ACKR3: variants seen among roughly 807,000 people sequenced by gnomAD.
The protein encoded by ACKR3 is atypical chemokine receptor 3, also known as C-X-C chemokine receptor type 7.
A neutral mutation model predicts 22.4 loss-of-function variants in ACKR3; 6 were observed. The ratio of observed to expected loss-of-function variants is 0.27; its 90% CI spans 0.15 to 0.53. The LOEUF is 0.53. Among genes scored for constraint, ACKR3 ranks in the 20% least tolerant of loss-of-function variants. The probability of loss-of-function intolerance (pLI) is 0.96; values close to 1 mark genes in which losing one functional copy is unlikely to be tolerated. For synonymous variants in ACKR3, 209 were observed against 205.2 expected (o/e 1.02, Z -0.16); for missense variants, 396 against 475.2 (o/e 0.83, Z 1.55).
the ACKR3 span, among the ~76,000 whole-genome samples, chr2:236,562,150 A>C: frequency 2.0e-5 from 3 of 152,230 alleles, no homozygotes; most frequent in South Asian, 2.1e-4. Flanking sequence ...CAAATTGGGG[A>C]AGTAAGTCAA....
intron 1 of ACKR3, among the ~76,000 whole-genome samples, chr2:236,573,573 G>A (rs1462912141): frequency 6.6e-6 from 1 of 152,248 alleles, no homozygotes; most frequent in African/African-American, 2.4e-5. Context: ...GAAAGCCAGT[G>A]AAGGAGGCAG....
chr2:236,555,735 A>T, the ACKR3 span, among the ~76,000 whole-genome samples: 1 of 151,486 alleles, frequency 6.6e-6, no homozygotes, highest in African/African-American at 2.4e-5. Context: ...GCAGATGCCT[A>T]CTTTTTTGCT....
chr2:236,564,256 G>C (rs7601528), upstream of ACKR3, among the ~76,000 whole-genome samples: 9,604 of 152,236 alleles, frequency 0.063, 727 homozygotes, highest in East Asian at 0.26. Flanking sequence ...ACCTAGGGGT[G>C]TTACCAAATT....
At position 236,581,552 on chromosome 2, in the gene ACKR3, T is replaced by C; in HGVS notation, c.1087T>C (p.Ter363ArgextTer14). ...CTCTGCCTTGGAGCAGAGCACCAAA[T>C]GATCTGCCCTGGAGAGGCTCTGGGA... ...EYSALEQSTK* is the reference protein window; with the variant it reads ...EYSALEQSTKR Residue 363 changes from the stop codon to arginine (R), a stop_lost, in exon 2 of 2, where the codon TGA (stop) becomes CGA (arginine). Transcript: ENST00000272928. This position sits in a 1 kb window ranked among gnomAD's most constrained non-coding sequence, Gnocchi z 4.4. The C allele has an allele frequency of 6.2e-7, 1 of 1,612,964 alleles. No homozygotes were observed. The highest frequency in any genetic ancestry group is 8.5e-7 in the Non-Finnish European group (1 of 1,179,184).
At chr2:236,576,532 A>G (rs1691414639) in intron 1 of ACKR3, among the ~76,000 whole-genome samples, 1 of 152,208 alleles carries the variant, frequency 6.6e-6, no homozygotes, top group African/African-American at 2.4e-5. Flanking sequence ...AGTTTGCTCT[A>G]TGAAGCTTTT....
At chr2:236,547,392 A>G in the ACKR3 span, among the ~76,000 whole-genome samples, 5 of 152,216 alleles carry the variant, frequency 3.3e-5, no homozygotes, top group African/African-American at 1.2e-4. Context: ...CTGTCAAAGA[A>G]TGTATATTCT....
In ACKR3 at chr2:236,577,307, C is replaced by T. The variant is rs1002886184; in HGVS notation, c.-26-3133C>T. ...AAGGACAGAGGCGAGGACGGCTGAG[C>T]GGGGAAGTGCCTATCTCAGAAATAC... On this transcript the variant is annotated intron_variant, in intron 1 of 1. Transcript: ENST00000272928. The surrounding 1 kb of genome is among the most constrained non-coding windows in gnomAD (Gnocchi z 5.6). Among the ~76,000 whole-genome samples the T allele has an allele frequency of 6.6e-6, 1 of 152,252 alleles. No homozygotes were observed.
chr2:236,543,218 A>G, the ACKR3 span, among the ~76,000 whole-genome samples: 1 of 152,162 alleles, frequency 6.6e-6, no homozygotes, highest in African/African-American at 2.4e-5. Flanking sequence ...AAGGAGACCC[A>G]CTTGCCTCTG....
At chr2:236,559,238 G>T in the ACKR3 span, among the ~76,000 whole-genome samples, 1 of 152,138 alleles carries the variant, frequency 6.6e-6, no homozygotes. Context: ...CTTTCTATTC[G>T]GGGTTTTTTC....
the ACKR3 span, among the ~76,000 whole-genome samples, chr2:236,549,316 A>T: frequency 9.9e-5 from 15 of 152,218 alleles, no homozygotes; most frequent in African/African-American, 3.6e-4. This position sits in a 1 kb window ranked among gnomAD's most constrained non-coding sequence, Gnocchi z 5.3. Flanking sequence ...AAGCCTGCCC[A>T]TACCCTTTTG....
the ACKR3 span, among the ~76,000 whole-genome samples, chr2:236,537,122 C>T: frequency 6.6e-6 from 1 of 152,292 alleles, no homozygotes; most frequent in Admixed American, 6.5e-5. Context: ...CCTTTCCTGC[C>T]CCAAATCTCT....
the ACKR3 span, among the ~76,000 whole-genome samples, chr2:236,537,466 C>CT: frequency 1.3e-5 from 2 of 152,150 alleles, no homozygotes; most frequent in African/African-American, 4.8e-5. Context: ...GGTGCATATG[C>CT]TTTTTTCTAG....
the ACKR3 span, among the ~76,000 whole-genome samples, chr2:236,549,561 C>T: frequency 2.6e-5 from 4 of 152,152 alleles, no homozygotes; most frequent in Non-Finnish European, 5.9e-5. The surrounding 1 kb of genome is among the most constrained non-coding windows in gnomAD (Gnocchi z 5.3). Flanking sequence ...GTTTTTCAAG[C>T]GATTTAATTC....
chr2:236,579,813 C>T (rs1691483135), intron 1 of ACKR3, among the ~76,000 whole-genome samples: 1 of 152,228 alleles, frequency 6.6e-6, no homozygotes, highest in African/African-American at 2.4e-5. Flanking sequence ...CCTGCGTAGG[C>T]TCACTGTGTT....
chr2:236,571,618 GAAAAAAAA>G (rs397988342), intron 1 of ACKR3, among the ~76,000 whole-genome samples: 2 of 76,596 alleles, frequency 2.6e-5, no homozygotes, highest in Non-Finnish European at 2.5e-5. Flanking sequence ...CTTTCTGAAT[GAAAAAAAA>G]AAAAAAAAAA....
At chr2:236,563,429 G>GT (rs1691115660), upstream of ACKR3, among the ~76,000 whole-genome samples, 2 of 152,308 alleles carry the variant, frequency 1.3e-5, no homozygotes, top group Admixed American at 1.3e-4. Flanking sequence ...TTGGATAGTA[G>GT]TAAGTGCCAC....
At chr2:236,545,296 T>C in the ACKR3 span, among the ~76,000 whole-genome samples, 2 of 152,200 alleles carry the variant, frequency 1.3e-5, no homozygotes, top group African/African-American at 2.4e-5. This position sits in a 1 kb window ranked among gnomAD's most constrained non-coding sequence, Gnocchi z 5.3. Flanking sequence ...GTGGGCTCAC[T>C]CACGGGTCTG....
the ACKR3 span, among the ~76,000 whole-genome samples, chr2:236,559,673 C>T: frequency 2.8e-4 from 42 of 152,260 alleles, no homozygotes; most frequent in African/African-American, 8.4e-4. Context: ...TGTGTATACC[C>T]ACATAACCAC....
chr2:236,543,932 G>A, the ACKR3 span, among the ~76,000 whole-genome samples: 1 of 120,638 alleles, frequency 8.3e-6, no homozygotes, highest in East Asian at 2.7e-4. Flanking sequence ...TTTTTCTCCT[G>A]GGAGAAGGGT....
Sources: allele counts gnomAD v4.1 joint callset (sites outside exome capture counted in the v4.1 genomes callset), GRCh38; gene constraint gnomAD v4.1.1; non-coding constraint Gnocchi (gnomAD v3.1); transcripts MANE v1.5; gene names NCBI Gene and HGNC (gene_info 2026-07-23, HGNC 2026-07-21).